Variants in NSUN6 observed in about 807,000 individuals in gnomAD.
NSUN6 encodes the protein NOP2/Sun RNA methyltransferase 6, also known as tRNA (cytosine(72)-C(5))-methyltransferase NSUN6.
A neutral mutation model predicts 58.0 loss-of-function variants in NSUN6; 64 were observed. That is an observed-to-expected ratio of 1.10 (90% confidence interval 0.90 to 1.36). The LOEUF is 1.36. Ranked by LOEUF, NSUN6 falls within the 40% of genes most tolerant of loss-of-function variation. NSUN6 has a pLI of 0.00. For missense variants in NSUN6, 701 were observed against 550.1 expected, an observed-to-expected ratio of 1.27 and a Z score of -2.74; for synonymous variants, 231 against 193.9, an observed-to-expected ratio of 1.19 and a Z score of -1.59.
chr10:18,586,615 G>C (rs1048125544), intron 7 of NSUN6, among the ~76,000 whole-genome samples: 7 of 152,154 alleles, frequency 4.6e-5, no homozygotes, highest in African/African-American at 1.7e-4. Context: ...CCTCCCAGTG[G>C]GTTCGTGGTC....
chr10:18,559,284 T>C (rs1328796455), intron 8 of NSUN6, among the ~76,000 whole-genome samples: 6 of 144,022 alleles, frequency 4.2e-5, no homozygotes, highest in Admixed American at 3.5e-4. Flanking sequence ...GAATGTGGAA[T>C]TGAATGGAAT....
At chr10:18,646,317 A>G (rs954723695) in intron 2 of NSUN6, among the ~76,000 whole-genome samples, 1 of 151,694 alleles carries the variant, frequency 6.6e-6, no homozygotes, top group African/African-American at 2.4e-5. Flanking sequence ...CGTGAAAGGA[A>G]AAAGAAATCC....
chr10:18,575,457 C>T (rs1375105896), intron 8 of NSUN6, among the ~76,000 whole-genome samples: 4 of 152,138 alleles, frequency 2.6e-5, no homozygotes, highest in Admixed American at 6.6e-5. Flanking sequence ...TAGTTAAGGC[C>T]CTAATTGAAA....
At chr10:18,555,174 G>A (rs765383060) in intron 8 of NSUN6, among the ~76,000 whole-genome samples, 1 of 150,066 alleles carries the variant, frequency 6.7e-6, no homozygotes, top group Non-Finnish European at 1.5e-5. Context: ...ATGGAATGGA[G>A]GATGGAATGG....
chr10:18,546,294 C>T, intron 10 of NSUN6, 149 bp from the exon 11 acceptor site: 1 of 678,786 alleles, frequency 1.5e-6, no homozygotes, highest in Non-Finnish European at 2.7e-6. Context: ...TTTGGTGGAA[C>T]ATACGTGCTG....
chr10:18,649,295 G>GT (rs1447594341), intron 1 of NSUN6, among the ~76,000 whole-genome samples: 1 of 152,092 alleles, frequency 6.6e-6, no homozygotes, highest in Non-Finnish European at 1.5e-5. Context: ...TTCAAGAAAC[G>GT]TATTTCTTTG....
Position 18,561,773 on chromosome 10 carries a change from T to C in NSUN6, c.923-9802A>G, listed in dbSNP as rs2055530926. On this transcript the variant is annotated intron_variant, in intron 8 of 10. Transcript: ENST00000377304. ...GAAAGGAATAGAATATGGAATAGAA[T>C]GGAGAACGGAATGGAGAATACAATG... Among the ~76,000 whole-genome samples, 3 of 147,514 alleles carry C rather than the reference T, an allele frequency of 2.0e-5. No homozygotes were observed. In the South Asian group the frequency reaches 6.3e-4, roughly 31 times the overall value.
At chr10:18,613,259 G>C (rs1341683896) in intron 5 of NSUN6, among the ~76,000 whole-genome samples, 1 of 152,008 alleles carries the variant, frequency 6.6e-6, no homozygotes, top group Non-Finnish European at 1.5e-5. Flanking sequence ...ACCACACCTA[G>C]CTTATTTCTG....
Position 18,584,296 on chromosome 10 carries a change from C to T in NSUN6, c.922+1653G>A, listed in dbSNP as rs12766105. 3.4e-3 allele frequency among the ~76,000 whole-genome samples: 523 copies of T among 152,208 alleles called. 2 individuals carry two copies. The highest frequency in any genetic ancestry group is 0.012 in the African/African-American group (503 of 41,532). On this transcript the variant is annotated intron_variant, in intron 8 of 10. Transcript: ENST00000377304. Reference sequence around the variant, plus strand: ...GAGCCCTGCCCTCGTTCACTTCCCCCCTTACCTTATAAAAGTTTCCGCTTT... The same window carrying T: ...GAGCCCTGCCCTCGTTCACTTCCCCTCTTACCTTATAAAAGTTTCCGCTTT...
At chr10:18,583,604 T>C (rs2056999467) in intron 8 of NSUN6, among the ~76,000 whole-genome samples, 1 of 152,008 alleles carries the variant, frequency 6.6e-6, no homozygotes, top group Non-Finnish European at 1.5e-5. Context: ...GTTCAAAGAA[T>C]TAAAAGAAAG....
chr10:18,635,576 T>G (rs1260405686), intron 3 of NSUN6, among the ~76,000 whole-genome samples: 5 of 152,140 alleles, frequency 3.3e-5, no homozygotes, highest in Non-Finnish European at 7.3e-5. Context: ...GTGGCTCACA[T>G]TTGTAATCCC....
chr10:18,652,978 T>C, upstream of NSUN6: 2 of 984,870 alleles, frequency 2.0e-6, no homozygotes, highest in Non-Finnish European at 2.4e-6. Flanking sequence ...CAATACCTTG[T>C]CCTTGACCAT....
At position 18,611,763 on chromosome 10, in the gene NSUN6, G is replaced by T. The variant is rs576712199; in HGVS notation, c.576-1837C>A. Among the ~76,000 whole-genome samples the T allele has an allele frequency of 1.1e-3, 161 of 151,766 alleles. 1 individual carries two copies. The highest frequency in any genetic ancestry group is 1.1e-3 in the Non-Finnish European group (76 of 67,892). ...GTGTGTGTGTGTCTGTGTGTGTACA[G>T]TCTCACTATGTTGCCCAGACTGGCA... On this transcript the variant is annotated intron_variant, in intron 5 of 10. Transcript: ENST00000377304.
intron 9 of NSUN6, among the ~76,000 whole-genome samples, chr10:18,551,387 A>G (rs1301411101): frequency 6.6e-6 from 1 of 151,912 alleles, no homozygotes; most frequent in East Asian, 1.9e-4. Context: ...GATCACCACC[A>G]TTCATCTCCA....
At chr10:18,644,768 A>G (rs1417323956) in intron 2 of NSUN6, among the ~76,000 whole-genome samples, 20 of 150,554 alleles carry the variant, frequency 1.3e-4, no homozygotes, top group African/African-American at 4.9e-4. Flanking sequence ...TGAACCCAGG[A>G]GGTGGAGCTT....
At chr10:18,582,470 C>T (rs1032908173) in intron 8 of NSUN6, among the ~76,000 whole-genome samples, 11 of 152,068 alleles carry the variant, frequency 7.2e-5, no homozygotes, top group African/African-American at 2.2e-4. Context: ...GAGAAGAATC[C>T]GCTAAACCAA....
chr10:18,552,233 C>G (rs1001190721), intron 8 of NSUN6, among the ~76,000 whole-genome samples: 4 of 152,126 alleles, frequency 2.6e-5, no homozygotes, highest in African/African-American at 9.7e-5. Flanking sequence ...AAAAGACCTT[C>G]TACCCCAAAC....
At chr10:18,555,839 G>A (rs528646657) in intron 8 of NSUN6, among the ~76,000 whole-genome samples, 1 of 150,550 alleles carries the variant, frequency 6.6e-6, no homozygotes, top group African/African-American at 2.4e-5. Context: ...AAATGGAATG[G>A]AGAAAAATGG....
intron 6 of NSUN6, among the ~76,000 whole-genome samples, chr10:18,604,240 G>C (rs1026762666): frequency 6.6e-6 from 1 of 152,204 alleles, no homozygotes; most frequent in Non-Finnish European, 1.5e-5. Flanking sequence ...AGGTGAGATA[G>C]AGAAGAAACC....
Sources: gnomAD v4.1 joint callset for allele counts (sites outside exome capture counted in the v4.1 genomes callset) on GRCh38, gnomAD v4.1.1 for gene constraint, MANE v1.5 for transcripts, NCBI Gene and HGNC (gene_info 2026-07-23, HGNC 2026-07-21) for gene names.